Variants in SPAG16 observed in about 807,000 individuals in gnomAD.
The protein encoded by SPAG16 is sperm associated antigen 16, also known as sperm-associated antigen 16 protein.
Under a neutral mutation model 80.4 loss-of-function variants are expected in SPAG16, and 86 were observed. The ratio of observed to expected loss-of-function variants is 1.07; its 90% CI spans 0.90 to 1.28. The LOEUF is 1.28. SPAG16 is among the 50% of genes most tolerant of loss of function. The pLI is 0.00. For synonymous variants in SPAG16, 294 were observed against 265.9 expected, an observed-to-expected ratio of 1.11 and a Z score of -1.03; for missense variants, 870 against 765.3, an observed-to-expected ratio of 1.14 and a Z score of -1.61.
intron 10 of SPAG16, among the ~76,000 whole-genome samples, chr2:213,540,782 G>T (rs1247815217): frequency 6.6e-6 from 1 of 152,198 alleles, no homozygotes; most frequent in East Asian, 1.9e-4. Context: ...CTTAAAAAAT[G>T]GAATATTATG....
At chr2:214,067,590 TAAG>T (rs2050590875) in intron 13 of SPAG16, among the ~76,000 whole-genome samples, 2 of 150,528 alleles carry the variant, frequency 1.3e-5, no homozygotes, top group South Asian at 2.1e-4. Flanking sequence ...TGGGCAAAGA[TAAG>T]AAAAGGATTT....
At position 213,996,009 on chromosome 2, in the gene SPAG16, A is replaced by G. The variant is rs1259467430; in HGVS notation, c.1401-17942A>G. Among the ~76,000 whole-genome samples the G allele has an allele frequency of 2.0e-5, 3 of 152,284 alleles. No homozygotes were observed. The East Asian group carries it at 5.8e-4, about 29-fold the overall frequency. Reference sequence around the variant, plus strand: ...CCTAAAGCCTTCTCTTCTTTCAGAGATAACTAGCATGAGCTTAGAGTTTCA... The same window carrying G: ...CCTAAAGCCTTCTCTTCTTTCAGAGGTAACTAGCATGAGCTTAGAGTTTCA... On this transcript the variant is annotated intron_variant, in intron 12 of 15. Coordinates refer to ENST00000331683, the MANE Select transcript of SPAG16 (RefSeq NM_024532.5).
intron 10 of SPAG16, among the ~76,000 whole-genome samples, chr2:213,701,915 C>T (rs758552258): frequency 6.6e-5 from 10 of 152,108 alleles, no homozygotes; most frequent in Non-Finnish European, 1.5e-4. Context: ...ATGCACCAAT[C>T]AGTGCTCTGT....
At chr2:213,446,587 C>T (rs1434649812) in intron 9 of SPAG16, among the ~76,000 whole-genome samples, 1 of 152,086 alleles carries the variant, frequency 6.6e-6, no homozygotes, top group Non-Finnish European at 1.5e-5. Flanking sequence ...AATAATTCTC[C>T]TCCTTATACT....
chr2:214,392,392 G>A (rs1701137661), intron 15 of SPAG16, among the ~76,000 whole-genome samples: 1 of 151,992 alleles, frequency 6.6e-6, no homozygotes, highest in East Asian at 1.9e-4. Context: ...CTGACCTCAA[G>A]TGATCCACCC....
At chr2:213,309,377 T>C (rs2063088635) in intron 3 of SPAG16, among the ~76,000 whole-genome samples, 1 of 152,134 alleles carries the variant, frequency 6.6e-6, no homozygotes, top group Admixed American at 6.6e-5. Context: ...GGAATACTAG[T>C]GTAAGCTCCT....
At chr2:214,296,817 G>T (rs1216386239) in intron 15 of SPAG16, among the ~76,000 whole-genome samples, 1 of 152,158 alleles carries the variant, frequency 6.6e-6, no homozygotes, top group Non-Finnish European at 1.5e-5. Flanking sequence ...GTTGAGTCAT[G>T]GAGACAGATC....
intron 13 of SPAG16, among the ~76,000 whole-genome samples, chr2:214,034,393 T>C (rs73987137): frequency 0.018 from 2,778 of 152,340 alleles, 83 homozygotes; most frequent in African/African-American, 0.064. Context: ...ACAGGATCTT[T>C]GGGGCATTGC....
At chr2:214,097,426 A>C (rs1198622034) in intron 13 of SPAG16, among the ~76,000 whole-genome samples, 1 of 152,074 alleles carries the variant, frequency 6.6e-6, no homozygotes, top group Non-Finnish European at 1.5e-5. Flanking sequence ...GAAGTGGCTA[A>C]GTACAGAAGG....
At chr2:214,362,757 C>T (rs556344534) in intron 15 of SPAG16, among the ~76,000 whole-genome samples, 1 of 151,936 alleles carries the variant, frequency 6.6e-6, no homozygotes, top group East Asian at 1.9e-4. Flanking sequence ...GAAAACTCAA[C>T]ATGGTACTTG....
intron 15 of SPAG16, among the ~76,000 whole-genome samples, chr2:214,207,346 G>C (rs2058172851): frequency 6.6e-6 from 1 of 151,998 alleles, no homozygotes; most frequent in African/African-American, 2.4e-5. Context: ...TTCCTTTCCT[G>C]TTCCTCTCCT....
intron 13 of SPAG16, among the ~76,000 whole-genome samples, chr2:214,079,073 A>G (rs1377678565): frequency 6.6e-6 from 1 of 152,128 alleles, no homozygotes; most frequent in Admixed American, 6.5e-5. Context: ...CTGCCCTTCC[A>G]TTGCTTGTTC....
intron 9 of SPAG16, among the ~76,000 whole-genome samples, chr2:213,391,660 A>C (rs532025375): frequency 2.0e-5 from 3 of 152,308 alleles, no homozygotes; most frequent in South Asian, 4.1e-4. Context: ...GTTTCGATAG[A>C]AAAGGTTATT....
chr2:214,217,519 C>A (rs1308833904), intron 15 of SPAG16, among the ~76,000 whole-genome samples: 1 of 152,222 alleles, frequency 6.6e-6, no homozygotes, highest in African/African-American at 2.4e-5. Flanking sequence ...TAAATTGTCA[C>A]TTCCAAATTT....
At chr2:213,327,593 G>A (rs1372159962) in intron 5 of SPAG16, among the ~76,000 whole-genome samples, 1 of 151,968 alleles carries the variant, frequency 6.6e-6, no homozygotes, top group African/African-American at 2.4e-5. Flanking sequence ...AACATGTTGT[G>A]GGTTTACATT....
intron 12 of SPAG16, among the ~76,000 whole-genome samples, chr2:213,987,862 A>T (rs1025976726): frequency 6.1e-5 from 9 of 147,796 alleles, no homozygotes; most frequent in African/African-American, 2.2e-4. Context: ...TAATATAAAT[A>T]TAAAAATAAT....
chr2:213,850,688 G>GTT (rs79222896), intron 10 of SPAG16, among the ~76,000 whole-genome samples: 5 of 148,502 alleles, frequency 3.4e-5, no homozygotes, highest in African/African-American at 2.5e-5. Flanking sequence ...GAGAAATTCT[G>GTT]TTTTTTTTTT....
At chr2:214,335,755 C>CT (rs71037369) in intron 15 of SPAG16, among the ~76,000 whole-genome samples, 1,231 of 90,540 alleles carry the variant, frequency 0.014, 90 homozygotes, top group African/African-American at 0.043. Flanking sequence ...TATTAGGATT[C>CT]TTTTTTTTTT....
chr2:213,659,090 G>A (rs1477010170), intron 10 of SPAG16, among the ~76,000 whole-genome samples: 1 of 152,074 alleles, frequency 6.6e-6, no homozygotes, highest in Non-Finnish European at 1.5e-5. Context: ...TGTTCTAAAT[G>A]ACATTTAGAA....
Sources: allele counts gnomAD v4.1 joint callset (sites outside exome capture counted in the v4.1 genomes callset), GRCh38; gene constraint gnomAD v4.1.1; transcripts MANE v1.5; gene names NCBI Gene and HGNC (gene_info 2026-07-23, HGNC 2026-07-21).